The following VWF variants were observed in gnomAD, a reference collection of about 807,000 sequenced individuals.
The protein encoded by VWF is Factor VIII related antigen.
Under a neutral mutation model 308.6 loss-of-function variants are expected in VWF, and 176 were observed. The observed-to-expected ratio is 0.57, with a 90% confidence interval of 0.50 to 0.65. The LOEUF (loss-of-function observed/expected upper bound fraction) is 0.65. Ranked by LOEUF, VWF falls within the 30% of genes least tolerant of loss-of-function variation. The probability of loss-of-function intolerance (pLI) is 0.00; values close to 1 mark genes in which losing one functional copy is unlikely to be tolerated. For missense variants in VWF, 3,146 were observed against 3,648.2 expected (o/e 0.86, Z 3.55); for synonymous variants, 1,385 against 1,443.4 (o/e 0.96, Z 0.92).
intron 15 of VWF, among the ~76,000 whole-genome samples, chr12:6,056,040 G>A (rs1944575186): frequency 6.6e-6 from 1 of 151,420 alleles, no homozygotes; most frequent in South Asian, 2.1e-4. Context: ...TTGGAAACAA[G>A]TCTTCTCTGC....
At position 5,994,707 on chromosome 12, in the gene VWF, C is replaced by T. The variant is rs1173421815; in HGVS notation, c.6064-100G>A. On this transcript the variant is annotated intron_variant, in intron 35 of 51. Transcript: ENST00000261405. Reference sequence around the variant, plus strand: ...GTTCCTGCACATTCATCACACTCAACTGCAACATCAGCCACAAACCTTGAT... The same window carrying T: ...GTTCCTGCACATTCATCACACTCAATTGCAACATCAGCCACAAACCTTGAT... The T allele has an allele frequency of 2.5e-5, 26 of 1,031,098 alleles. No individual in the cohort carries two copies. The East Asian group carries it at 5.8e-4, about 23-fold the overall frequency. The allele number at this position is 1,031,098 out of a possible 1,614,324, so 63.9% of individuals were successfully genotyped here.
intron 6 of VWF, among the ~76,000 whole-genome samples, chr12:6,086,554 A>T (rs1944974200): frequency 6.6e-6 from 1 of 152,190 alleles, no homozygotes; most frequent in African/African-American, 2.4e-5. Flanking sequence ...AAATGTAACA[A>T]AATTCTTCCC....
intron 16 of VWF, among the ~76,000 whole-genome samples, chr12:6,047,392 G>C (rs903283118): frequency 6.6e-6 from 1 of 152,044 alleles, no homozygotes; most frequent in Non-Finnish European, 1.5e-5. Context: ...ATGATCCCCC[G>C]ACCAAAGCCA....
chr12:6,104,453 T>C (rs917057125), intron 5 of VWF, among the ~76,000 whole-genome samples: 2 of 151,412 alleles, frequency 1.3e-5, no homozygotes, highest in African/African-American at 4.9e-5. Context: ...TTTGGGAGGC[T>C]GAGGCGGGCG....
In VWF at chr12:6,016,836, C is replaced by T. The variant is rs1944066674; in HGVS notation, c.5088G>A (p.Leu1696=). Residue 1696 remains leucine, a synonymous_variant, in exon 29 of 52, where the codon CTG becomes CTA. Transcript: ENST00000261405. ...CSQPLDVILL[L]DGSSSFPASY... ...AAGCTGGGAAACTGGAGGAGCCATC[C>T]AGGAGAAGGATCACGTCCAGGGGCT... The T allele has an allele frequency of 1.2e-6, 2 of 1,613,968 alleles. No individual in the cohort carries two copies. Among genetic ancestry groups the T allele is most frequent in the Non-Finnish European group, 1.7e-6 (2 of 1,180,046 alleles).
At chr12:6,057,129 C>G (rs1944588931) in intron 14 of VWF, 57 bp from the exon 15 acceptor site, 2 of 1,453,418 alleles carry the variant, frequency 1.4e-6, no homozygotes, top group Non-Finnish European at 1.8e-6. Context: ...GGGCCACGCC[C>G]TCCCGGTCAA....
At chr12:6,040,437 C>G (rs1460904351) in intron 18 of VWF, among the ~76,000 whole-genome samples, 1 of 152,144 alleles carries the variant, frequency 6.6e-6, no homozygotes, top group South Asian at 2.1e-4. Context: ...TTTCCCACCA[C>G]GAACTTACTG....
In VWF at chr12:6,029,484, T is replaced by C; in HGVS notation, c.2825A>G (p.Asn942Ser). Residue 942 changes from asparagine to serine, a missense_variant, in exon 22 of 52, where the codon AAT becomes AGT. Transcript: ENST00000261405. ...CTCATCCTTCATGGGCCTCTTCACA[T>C]TCACCTGGAGGAAGACAAAGCAAGA... ...GEIELFDGEV[N>S]VKRPMKDETH... 6.2e-7 allele frequency: 1 copy of C among 1,614,004 alleles called. No homozygotes were observed.
chr12:5,994,870 TA>T (rs1565823226), intron 35 of VWF, among the ~76,000 whole-genome samples: 1 of 152,078 alleles, frequency 6.6e-6, no homozygotes, highest in African/African-American at 2.4e-5. Context: ...GCCTGGAGAT[TA>T]AAAGGAACCT....
intron 31 of VWF, among the ~76,000 whole-genome samples, chr12:6,014,556 G>C (rs1944036992): frequency 6.6e-6 from 1 of 152,186 alleles, no homozygotes; most frequent in Non-Finnish European, 1.5e-5. Flanking sequence ...GAGGTATCAG[G>C]GAAAAGGAAG....
At chr12:6,003,695 AG>A (rs552382400) in intron 34 of VWF, among the ~76,000 whole-genome samples, 115 of 152,232 alleles carry the variant, frequency 7.6e-4, no homozygotes, top group African/African-American at 2.7e-3. Context: ...GGCTGGAGGA[AG>A]GGGGAAATGG....
chr12:6,052,473 A>C, intron 16 of VWF, 70 bp downstream of exon 16: 2 of 1,611,496 alleles, frequency 1.2e-6, no homozygotes, highest in Non-Finnish European at 8.5e-7. Context: ...GAAGTAAAGG[A>C]CTTGGGGGTC....
chr12:5,980,609 G>C (rs1159622508), intron 42 of VWF, among the ~76,000 whole-genome samples: 1 of 152,214 alleles, frequency 6.6e-6, no homozygotes, highest in African/African-American at 2.4e-5. Context: ...AGGAAGACGA[G>C]AAGGAGAACA....
At chr12:5,985,420 G>T in intron 39 of VWF, 143 bp downstream of exon 39, 1 of 938,276 alleles carries the variant, frequency 1.1e-6, no homozygotes, top group Non-Finnish European at 1.6e-6. Flanking sequence ...GGAAATGCAG[G>T]CTGGGCAAGG....
chr12:6,036,156 A>G (rs754208332), intron 19 of VWF, among the ~76,000 whole-genome samples: 5 of 152,222 alleles, frequency 3.3e-5, no homozygotes, highest in Non-Finnish European at 5.9e-5. Flanking sequence ...AGCATTTCGG[A>G]TAAGGGCTAC....
At chr12:5,960,397 G>A (rs1442057434) in intron 47 of VWF, among the ~76,000 whole-genome samples, 1 of 152,092 alleles carries the variant, frequency 6.6e-6, no homozygotes, top group Non-Finnish European at 1.5e-5. Flanking sequence ...TTCAAGTCTA[G>A]TAAGCTTCAC....
At chr12:5,978,678 A>C (rs572106605) in intron 42 of VWF, among the ~76,000 whole-genome samples, 2 of 152,362 alleles carry the variant, frequency 1.3e-5, no homozygotes, top group Admixed American at 6.5e-5. Flanking sequence ...CTGTAATTTC[A>C]TTTGAATCAG....
intron 3 of VWF, among the ~76,000 whole-genome samples, chr12:6,118,269 G>C (rs1013257954): frequency 4.6e-5 from 7 of 151,944 alleles, no homozygotes; most frequent in Admixed American, 2.6e-4. Context: ...TCGGGGCAGG[G>C]AGTCCAGAGC....
At chr12:6,095,761 C>G in intron 5 of VWF, 177 bp from the exon 6 acceptor site, 1 of 797,948 alleles carries the variant, frequency 1.3e-6, no homozygotes, top group Non-Finnish European at 2.0e-6. Context: ...AGTGCAATCC[C>G]ACTACTGAGC....
Sources: gnomAD v4.1 joint callset for allele counts (sites outside exome capture counted in the v4.1 genomes callset) on GRCh38, gnomAD v4.1.1 for gene constraint, MANE v1.5 for transcripts, NCBI Gene and HGNC (gene_info 2026-07-23, HGNC 2026-07-21) for gene names.